The following ZNF566 variants were observed in gnomAD, a reference collection of about 807,000 sequenced individuals.
The protein encoded by ZNF566 is zinc finger protein 566.
Under a neutral mutation model 32.8 loss-of-function variants are expected in ZNF566, and 27 were observed. The observed-to-expected ratio is 0.82, with a 90% confidence interval of 0.61 to 1.14. ZNF566 has a LOEUF of 1.14. Ranked by LOEUF, ZNF566 falls within the 50% of genes most tolerant of loss-of-function variation. The probability of loss-of-function intolerance (pLI) is 0.00; values close to 1 mark genes in which losing one functional copy is unlikely to be tolerated. For synonymous variants in ZNF566, 154 were observed against 159.5 expected (o/e 0.97, Z 0.26); for missense variants, 402 against 490.4 (o/e 0.82, Z 1.70).
At chr19:36,465,650 T>C (rs2033594261) in intron 4 of ZNF566, among the ~76,000 whole-genome samples, 1 of 151,902 alleles carries the variant, frequency 6.6e-6, no homozygotes, top group Non-Finnish European at 1.5e-5. Flanking sequence ...TTTTTTTGTA[T>C]TTTTAGTAGA....
chr19:36,487,468 T>C (rs1412580737), intron 1 of ZNF566, among the ~76,000 whole-genome samples: 1 of 152,146 alleles, frequency 6.6e-6, no homozygotes, highest in African/African-American at 2.4e-5. Flanking sequence ...TCGACTAATA[T>C]ACTACAATAT....
intron 1 of ZNF566, among the ~76,000 whole-genome samples, chr19:36,485,271 C>CA (rs748231707): frequency 0.45 from 36,451 of 81,686 alleles, 6,436 homozygotes; most frequent in African/African-American, 0.53. Context: ...GCTATCTCTA[C>CA]AAAAAAAAAA....
intron 4 of ZNF566, chr19:36,456,396 A>AG (rs916186879): frequency 1.3e-5 from 2 of 150,574 alleles, no homozygotes; most frequent in African/African-American, 4.9e-5. Flanking sequence ...AAAAAAAAAA[A>AG]AAAAAAATTA....
chr19:36,471,128 C>T (rs1291078788), intron 4 of ZNF566, among the ~76,000 whole-genome samples: 6 of 150,676 alleles, frequency 4.0e-5, no homozygotes, highest in Non-Finnish European at 5.9e-5. Context: ...GCAGGAGAAT[C>T]GCTTGAACCT....
chr19:36,488,304 A>G (rs1337700023), intron 1 of ZNF566, among the ~76,000 whole-genome samples: 1 of 152,134 alleles, frequency 6.6e-6, no homozygotes, highest in Admixed American at 6.6e-5. Flanking sequence ...TATGTTGCCC[A>G]GGCTGGTCTC....
chr19:36,475,511 G>T (rs1282954949), intron 2 of ZNF566, among the ~76,000 whole-genome samples: 1 of 152,140 alleles, frequency 6.6e-6, no homozygotes, highest in Non-Finnish European at 1.5e-5. Flanking sequence ...CAGGTCTACA[G>T]AGCTAATGAG....
chr19:36,479,896 T>A (rs2033983143), intron 1 of ZNF566, among the ~76,000 whole-genome samples: 2 of 152,188 alleles, frequency 1.3e-5, no homozygotes, highest in African/African-American at 4.8e-5. Context: ...AGGGTCTCAC[T>A]GTGTTGCCCA....
intron 4 of ZNF566, among the ~76,000 whole-genome samples, chr19:36,472,326 C>T (rs1484722279): frequency 1.3e-5 from 2 of 152,216 alleles, no homozygotes; most frequent in Non-Finnish European, 2.9e-5. Flanking sequence ...TTCTGCTAAG[C>T]TCCCTATTTT....
intron 4 of ZNF566, among the ~76,000 whole-genome samples, chr19:36,463,569 G>C (rs2033535544): frequency 7.5e-6 from 1 of 132,486 alleles, no homozygotes; most frequent in Non-Finnish European, 1.6e-5. Context: ...TTGAGGCAGA[G>C]TCTCGCTCTG....
chr19:36,459,964 G>A (rs572658599), intron 4 of ZNF566, among the ~76,000 whole-genome samples: 77 of 150,546 alleles, frequency 5.1e-4, no homozygotes, highest in South Asian at 8.4e-4. Flanking sequence ...GAGATCATAC[G>A]CAGCTATTTT....
At chr19:36,456,000 C>T (rs1283742070) in intron 4 of ZNF566, among the ~76,000 whole-genome samples, 1 of 151,394 alleles carries the variant, frequency 6.6e-6, no homozygotes, top group Non-Finnish European at 1.5e-5. Flanking sequence ...GATTGCACCA[C>T]TGCACTCCAG....
At chr19:36,489,180 G>A (rs1382099080) in intron 1 of ZNF566, among the ~76,000 whole-genome samples, 1 of 152,030 alleles carries the variant, frequency 6.6e-6, no homozygotes, top group Non-Finnish European at 1.5e-5. Flanking sequence ...ACACCACTAC[G>A]GGGACAAACG....
At chr19:36,476,940 T>C (rs2033901538) in intron 1 of ZNF566, among the ~76,000 whole-genome samples, 1 of 152,210 alleles carries the variant, frequency 6.6e-6, no homozygotes, top group African/African-American at 2.4e-5. Context: ...AAGTCCCAAT[T>C]AGCACATATT....
chr19:36,449,029 T>TATGGGAA lies in ZNF566; in HGVS notation c.1204_1205insTTCCCAT (p.Lys402IlefsTer6). ...AAGTTGTGGGTCATAATTAAAGTTCTTTCCACATTCCCTATATTCATAGGG... is the reference window on the plus strand; with the variant it reads ...AAGTTGTGGGTCATAATTAAAGTTCTATGGGAATTCCACATTCCCTATATTCATAGGG... On this transcript the variant is annotated frameshift_variant, in exon 5 of 5. Transcript: ENST00000452939. LOFTEE classifies it high-confidence loss of function. The TATGGGAA allele has an allele frequency of 6.2e-7, 1 of 1,606,582 alleles. No individual in the cohort carries two copies. Among genetic ancestry groups the TATGGGAA allele is most frequent in the Non-Finnish European group, 8.5e-7 (1 of 1,177,894 alleles).
intron 4 of ZNF566, among the ~76,000 whole-genome samples, chr19:36,469,566 T>C (rs2033712913): frequency 6.6e-6 from 1 of 152,058 alleles, no homozygotes; most frequent in Non-Finnish European, 1.5e-5. Context: ...AAAGAAAATA[T>C]TTGTGCGACA....
At chr19:36,454,161 A>G (rs2033240964) in intron 4 of ZNF566, among the ~76,000 whole-genome samples, 1 of 152,082 alleles carries the variant, frequency 6.6e-6, no homozygotes, top group Non-Finnish European at 1.5e-5. Flanking sequence ...AGCCTCCCAA[A>G]GTGCTGGGAA....
intron 1 of ZNF566, among the ~76,000 whole-genome samples, chr19:36,478,511 T>C (rs1425468966): frequency 6.6e-6 from 1 of 152,046 alleles, no homozygotes. Flanking sequence ...CCATGCTTGT[T>C]GCATTCTCAA....
chr19:36,479,935 A>T (rs1182309790), intron 1 of ZNF566, among the ~76,000 whole-genome samples: 1 of 152,152 alleles, frequency 6.6e-6, no homozygotes, highest in Non-Finnish European at 1.5e-5. Flanking sequence ...GGGCTCAAGC[A>T]ATCCTCCAGC....
At chr19:36,470,840 G>A (rs1207568631) in intron 4 of ZNF566, among the ~76,000 whole-genome samples, 1 of 151,960 alleles carries the variant, frequency 6.6e-6, no homozygotes, top group East Asian at 1.9e-4. Flanking sequence ...AACCCAGGAG[G>A]TGGAGCTTGC....
Sources: allele counts gnomAD v4.1 joint callset (sites outside exome capture counted in the v4.1 genomes callset), GRCh38; gene constraint gnomAD v4.1.1; transcripts MANE v1.5; gene names NCBI Gene and HGNC (gene_info 2026-07-23, HGNC 2026-07-21).